The following KLF9 variants were observed in gnomAD, a reference collection of about 807,000 sequenced individuals.
The protein encoded by KLF9 is KLF transcription factor 9, also known as Krueppel-like factor 9.
In KLF9, 2 loss-of-function variants were observed where a neutral mutation model predicts 17.3. The observed-to-expected ratio is 0.12, with a 90% CI of 0.05 to 0.36. The LOEUF (loss-of-function observed/expected upper bound fraction) is 0.36. Ranked by LOEUF, KLF9 falls within the 10% of genes least tolerant of loss-of-function variation. The pLI is 1.00. For synonymous variants in KLF9, 138 were observed against 139.2 expected (o/e 0.99, Z 0.06); for missense variants, 226 against 333.2 (o/e 0.68, Z 2.51).
intron 1 of KLF9, among the ~76,000 whole-genome samples, chr9:70,388,629 C>A (rs1423754780): frequency 2.0e-5 from 3 of 152,058 alleles, no homozygotes; most frequent in Non-Finnish European, 4.4e-5. Flanking sequence ...AAAAGCTGAG[C>A]CTTTTTGCTA....
Position 70,386,466 on chromosome 9 carries a change from T to C in KLF9, c.*1310A>G, listed in dbSNP as rs974768997. On this transcript the variant is annotated 3_prime_UTR_variant, in exon 2 of 2. Transcript: ENST00000377126. ...TTTTGCAGAGTCTCCTCTGAAATCATTGTGGTATTTTCCCTTGGTGTTCAC... is the reference window on the plus strand; with the variant it reads ...TTTTGCAGAGTCTCCTCTGAAATCACTGTGGTATTTTCCCTTGGTGTTCAC... The C allele has an allele frequency of 1.3e-5, 2 of 152,652 alleles. No individual in the cohort carries two copies. The highest frequency in any genetic ancestry group is 2.9e-5 in the Non-Finnish European group (2 of 68,040). The allele number at this position is 152,652 out of a possible 1,614,324, so 9.5% of individuals were successfully genotyped here. A position where few individuals can be genotyped will look rare whatever the true frequency, so the allele number is the denominator to read the frequency against.
chr9:70,404,425 C>T (rs1352025777), intron 1 of KLF9, among the ~76,000 whole-genome samples: 1 of 151,884 alleles, frequency 6.6e-6, no homozygotes, highest in African/African-American at 2.4e-5. Flanking sequence ...CATAGTGAAA[C>T]CCAGCCTCTA....
At chr9:70,398,944 C>T (rs948950578) in intron 1 of KLF9, among the ~76,000 whole-genome samples, 32 of 152,142 alleles carry the variant, frequency 2.1e-4, no homozygotes, top group African/African-American at 7.7e-4. Flanking sequence ...AGTGATCCTC[C>T]CACCTCAGCT....
chr9:70,394,012 G>GT (rs2037166970), intron 1 of KLF9, among the ~76,000 whole-genome samples: 2 of 122,232 alleles, frequency 1.6e-5, no homozygotes, highest in South Asian at 6.2e-4. Flanking sequence ...GAGTGAGACT[G>GT]AGACCCTGTC....
chr9:70,388,033 A>G (rs764345290), intron 1 of KLF9, 28 bp from the exon 2 acceptor site: 1 of 1,577,204 alleles, frequency 6.3e-7, no homozygotes, highest in South Asian at 1.1e-5. Flanking sequence ...GAAAGGATAC[A>G]GCTCAAAGAA....
chr9:70,412,828 G>C, intron 1 of KLF9, 31 bp downstream of exon 1: 1 of 1,529,394 alleles, frequency 6.5e-7, no homozygotes, highest in Non-Finnish European at 8.8e-7. Context: ...ACTAACCCCA[G>C]AGCTCCGGGG....
rs1292347162 is a variant in KLF9, at chr9:70,385,190, T to C, written c.*2586A>G. Reference sequence around the variant, plus strand: ...AGTTAAATCCATGGTCTTTTTAATATAAAAAGTAATTGTTTCATAGTTTTA... The same window carrying C: ...AGTTAAATCCATGGTCTTTTTAATACAAAAAGTAATTGTTTCATAGTTTTA... On this transcript the variant is annotated 3_prime_UTR_variant, in exon 2 of 2. Coordinates refer to ENST00000377126, the MANE Select transcript of KLF9 (RefSeq NM_001206.4). 6.6e-6 allele frequency: 1 copy of C among 152,644 alleles called. No individual in the cohort carries two copies. Among genetic ancestry groups the C allele is most frequent in the Non-Finnish European group, 1.5e-5 (1 of 68,026 alleles). The allele number at this position is 152,644 out of a possible 1,614,324, so 9.5% of individuals were successfully genotyped here.
chr9:70,401,222 C>T (rs891897797), intron 1 of KLF9, among the ~76,000 whole-genome samples: 1 of 151,394 alleles, frequency 6.6e-6, no homozygotes, highest in Non-Finnish European at 1.5e-5. Context: ...GTGGTGCGTG[C>T]CTGTGGTCCC....
At chr9:70,393,668 A>G (rs537118216) in intron 1 of KLF9, among the ~76,000 whole-genome samples, 2 of 152,188 alleles carry the variant, frequency 1.3e-5, no homozygotes, top group South Asian at 4.1e-4. Context: ...TAAAAAACAA[A>G]TCTAAGGGAT....
rs566299081 is a variant in KLF9 at position 70,398,285 on chromosome 9, G to T, written c.506-10280C>A. Among the ~76,000 whole-genome samples the T allele has an allele frequency of 4.6e-5, 7 of 152,214 alleles. No homozygotes were observed. In the East Asian group the frequency reaches 1.4e-3, roughly 29 times the overall value. The stretch of plus-strand genomic sequence containing the variant: ...GGATCTCTGTGTTTATCTGTAGAAA[G>T]CAACTTGTCCTATGCTTTAGGTTCT... On this transcript the variant is annotated intron_variant, in intron 1 of 1. Transcript: ENST00000377126.
chr9:70,412,766 C>T, intron 1 of KLF9, 93 bp downstream of exon 1: 4 of 1,202,148 alleles, frequency 3.3e-6, no homozygotes, highest in South Asian at 1.5e-5. Flanking sequence ...TGCACCCTTT[C>T]GGCCGAGTGC....
intron 1 of KLF9, among the ~76,000 whole-genome samples, chr9:70,393,306 T>A (rs1199292273): frequency 6.6e-6 from 1 of 152,210 alleles, no homozygotes; most frequent in African/African-American, 2.4e-5. Flanking sequence ...CCTCGACTGC[T>A]GATTAGTTGA....
intron 1 of KLF9, among the ~76,000 whole-genome samples, chr9:70,397,880 T>TTGC (rs1327948566): frequency 6.6e-6 from 1 of 152,268 alleles, no homozygotes; most frequent in East Asian, 1.9e-4. Context: ...ACATGAACAG[T>TTGC]TGCTTTTTTC....
Position 70,413,582 on chromosome 9 carries a change from T to C in KLF9, c.-219A>G. ...ACCGGCAGCGCCTCCGCACGCAGCA[T>C]CCACGGCCCCGGGCTCCGCCGCGCC... On this transcript the variant is annotated 5_prime_UTR_variant, in exon 1 of 2. An upstream start codon of the reference 5' UTR is lost. Transcript: ENST00000377126. This position sits in a 1 kb window ranked among gnomAD's most constrained non-coding sequence, Gnocchi z 5.6. 4.6e-6 allele frequency: 1 copy of C among 219,220 alleles called. No individual in the cohort carries two copies. The highest frequency in any genetic ancestry group is 8.2e-6 in the Non-Finnish European group (1 of 121,310). The allele number at this position is 219,220 out of a possible 1,614,324, so 13.6% of individuals were successfully genotyped here.
chr9:70,409,081 T>C (rs1323210304), intron 1 of KLF9, among the ~76,000 whole-genome samples: 8 of 93,004 alleles, frequency 8.6e-5, no homozygotes, highest in African/African-American at 2.4e-4. Context: ...TGTATATATA[T>C]ACACATATAT....
intron 1 of KLF9, among the ~76,000 whole-genome samples, chr9:70,403,183 A>C (rs1224154612): frequency 6.6e-6 from 1 of 152,060 alleles, no homozygotes; most frequent in Non-Finnish European, 1.5e-5. Flanking sequence ...TAACTAACTA[A>C]ATGGGATGAC....
chr9:70,398,100 G>A (rs1343162623), intron 1 of KLF9, among the ~76,000 whole-genome samples: 1 of 152,088 alleles, frequency 6.6e-6, no homozygotes, highest in African/African-American at 2.4e-5. Context: ...ATGTTAAATA[G>A]GCTTTGAAAG....
intron 1 of KLF9, among the ~76,000 whole-genome samples, chr9:70,408,433 G>GA (rs1359474901): frequency 6.6e-6 from 1 of 152,008 alleles, no homozygotes; most frequent in East Asian, 1.9e-4. Context: ...GAGCCCTCTG[G>GA]AAAGAAGAAT....
intron 1 of KLF9, among the ~76,000 whole-genome samples, chr9:70,407,827 C>G (rs1213832518): frequency 6.6e-6 from 1 of 152,206 alleles, no homozygotes; most frequent in Admixed American, 6.5e-5. Flanking sequence ...ATAGCAAACC[C>G]TTGCAGCCTT....
Sources: gnomAD v4.1 joint callset for allele counts (sites outside exome capture counted in the v4.1 genomes callset) on GRCh38, gnomAD v4.1.1 for gene constraint, Gnocchi (gnomAD v3.1) non-coding constraint, MANE v1.5 for transcripts, NCBI Gene and HGNC (gene_info 2026-07-23, HGNC 2026-07-21) for gene names.